The following ADGRB3 variants were observed in gnomAD, a reference collection of about 807,000 sequenced individuals.
ADGRB3 encodes brain-specific angiogenesis inhibitor 3.
A neutral mutation model predicts 193.4 loss-of-function variants in ADGRB3; 37 were observed. The ratio of observed to expected loss-of-function variants is 0.19; its 90% CI spans 0.15 to 0.25. ADGRB3 has a LOEUF of 0.25. ADGRB3 is among the 10% of genes least tolerant of loss of function. The probability of loss-of-function intolerance (pLI) is 1.00; values close to 1 mark genes in which losing one functional copy is unlikely to be tolerated. For missense variants in ADGRB3, 1,637 were observed against 1,852.9 expected (o/e 0.88, Z 2.14); for synonymous variants, 690 against 644.2 (o/e 1.07, Z -1.08).
At chr6:69,183,139 A>G (rs1360615409) in intron 17 of ADGRB3, among the ~76,000 whole-genome samples, 1 of 152,096 alleles carries the variant, frequency 6.6e-6, no homozygotes, top group Non-Finnish European at 1.5e-5. Flanking sequence ...TTTAATTTTT[A>G]CATTTTTTTC....
At chr6:68,705,711 G>C (rs1219347770) in intron 3 of ADGRB3, among the ~76,000 whole-genome samples, 3 of 152,194 alleles carry the variant, frequency 2.0e-5, no homozygotes, top group Non-Finnish European at 4.4e-5. Context: ...AGAAATAATA[G>C]AGCTAGACTG....
intron 17 of ADGRB3, among the ~76,000 whole-genome samples, chr6:69,141,184 C>T (rs1409255049): frequency 1.3e-5 from 2 of 149,024 alleles, no homozygotes; most frequent in Admixed American, 1.4e-4. Flanking sequence ...AGTGCAGTGG[C>T]GCCATCTCGG....
chr6:68,672,485 A>C (rs1235044830), intron 3 of ADGRB3, among the ~76,000 whole-genome samples: 1 of 151,970 alleles, frequency 6.6e-6, no homozygotes, highest in African/African-American at 2.4e-5. Context: ...TGTTTCAAGA[A>C]ATTTTTACTG....
chr6:68,659,571 C>T (rs1228677976), intron 3 of ADGRB3, among the ~76,000 whole-genome samples: 4 of 150,670 alleles, frequency 2.7e-5, no homozygotes, highest in Non-Finnish European at 1.5e-5. Flanking sequence ...GTAACTATTA[C>T]ATTTATATTA....
At chr6:68,890,581 A>G (rs771330712) in intron 3 of ADGRB3, among the ~76,000 whole-genome samples, 5 of 152,214 alleles carry the variant, frequency 3.3e-5, no homozygotes, top group Non-Finnish European at 7.3e-5. Context: ...ACATATGCCA[A>G]TTGTTGCAAG....
chr6:68,651,093 G>A (rs1431787474), intron 3 of ADGRB3, among the ~76,000 whole-genome samples: 1 of 152,284 alleles, frequency 6.6e-6, no homozygotes, highest in South Asian at 2.1e-4. Flanking sequence ...CCTCTGCACT[G>A]TAGACTGAGA....
chr6:69,153,798 G>C lies in ADGRB3; in HGVS notation c.2480+77760G>C, dbSNP rs375888769. Among the ~76,000 whole-genome samples, 168 of 152,090 alleles carry C rather than the reference G, an allele frequency of 1.1e-3. 2 individuals carry two copies. In the South Asian group the frequency reaches 0.026, roughly 24 times the overall value. On this transcript the variant is annotated intron_variant, in intron 17 of 31. Coordinates refer to ENST00000370598, the MANE Select transcript of ADGRB3 (RefSeq NM_001704.3). ...CACGAGGTCAGGAGATCGAGACCAT[G>C]CTGGCTAACACGGTGAAACCCCATC...
chr6:68,813,073 G>T (rs374560967), intron 3 of ADGRB3, among the ~76,000 whole-genome samples: 1 of 152,136 alleles, frequency 6.6e-6, no homozygotes, highest in African/African-American at 2.4e-5. Context: ...CGTGTTGTGG[G>T]AGGGACCCAG....
chr6:68,795,346 G>C (rs560205516), intron 3 of ADGRB3, among the ~76,000 whole-genome samples: 23 of 152,086 alleles, frequency 1.5e-4, no homozygotes, highest in African/African-American at 5.5e-4. Flanking sequence ...AAGAAAAACT[G>C]TATCTTGAAA....
chr6:69,313,251 G>A (rs1232410560), intron 20 of ADGRB3, among the ~76,000 whole-genome samples: 1 of 151,780 alleles, frequency 6.6e-6, no homozygotes, highest in Admixed American at 6.6e-5. Context: ...ATAGTTGTTA[G>A]AGCACCCCAG....
At chr6:68,884,468 G>C (rs774930657) in intron 3 of ADGRB3, among the ~76,000 whole-genome samples, 1 of 152,098 alleles carries the variant, frequency 6.6e-6, no homozygotes, top group Non-Finnish European at 1.5e-5. Context: ...TGAAACCCGG[G>C]GAGTGAGAAA....
At chr6:69,007,685 TCTCTCTCTCACACACA>T (rs985456144) in intron 11 of ADGRB3, among the ~76,000 whole-genome samples, 2 of 78,532 alleles carry the variant, frequency 2.5e-5, no homozygotes, top group African/African-American at 9.9e-5. Context: ...TCTCTCTCTC[TCTCTCTCTCACACACA>T]CACACACACA....
intron 6 of ADGRB3, among the ~76,000 whole-genome samples, chr6:68,947,070 T>C (rs1467057638): frequency 2.0e-5 from 3 of 152,074 alleles, no homozygotes; most frequent in African/African-American, 7.2e-5. Context: ...TAGTTACTAA[T>C]TTGCATCCCC....
At chr6:69,354,188 C>A (rs948556511) in intron 26 of ADGRB3, 45 bp from the exon 27 acceptor site, 3 of 1,396,198 alleles carry the variant, frequency 2.1e-6, no homozygotes, top group South Asian at 1.2e-5. Flanking sequence ...AGTATCTTGT[C>A]ATTATTAAGA....
intron 17 of ADGRB3, among the ~76,000 whole-genome samples, chr6:69,217,558 T>TGCTCTGTTCAAGGTG (rs1765794091): frequency 6.6e-6 from 1 of 152,138 alleles, no homozygotes; most frequent in African/African-American, 2.4e-5. Flanking sequence ...AAGAATGCAG[T>TGCTCTGTTCAAGGTG]GCTCTGTTCA....
intron 20 of ADGRB3, among the ~76,000 whole-genome samples, chr6:69,249,368 C>A (rs1766569202): frequency 6.6e-6 from 1 of 152,148 alleles, no homozygotes; most frequent in Admixed American, 6.5e-5. Context: ...ATGGAAAAAA[C>A]CATGAATCAA....
chr6:68,910,634 T>G (rs1766676534), intron 3 of ADGRB3, among the ~76,000 whole-genome samples: 2 of 152,356 alleles, frequency 1.3e-5, no homozygotes, highest in Middle Eastern at 3.4e-3. Context: ...GGCTATCCAG[T>G]TTTCCCAGCA....
At chr6:68,971,955 G>T (rs192347471) in intron 8 of ADGRB3, among the ~76,000 whole-genome samples, 35 of 152,280 alleles carry the variant, frequency 2.3e-4, no homozygotes, top group Non-Finnish European at 3.2e-4. Context: ...TCTGTGGCCC[G>T]CTGGTGGGAG....
intron 3 of ADGRB3, among the ~76,000 whole-genome samples, chr6:68,713,614 T>C (rs73463903): frequency 0.032 from 4,911 of 151,730 alleles, 140 homozygotes; most frequent in African/African-American, 0.073. Flanking sequence ...TCTCATGTTA[T>C]TTTTCCAGTG....
Sources: gnomAD v4.1 joint callset for allele counts (sites outside exome capture counted in the v4.1 genomes callset) on GRCh38, gnomAD v4.1.1 for gene constraint, MANE v1.5 for transcripts, NCBI Gene and HGNC (gene_info 2026-07-23, HGNC 2026-07-21) for gene names.